The following FOXP1 variants were observed in gnomAD, a reference collection of about 807,000 sequenced individuals.
The protein encoded by FOXP1 is forkhead box P1, also known as forkhead box protein P1.
Under a neutral mutation model 98.2 loss-of-function variants are expected in FOXP1, and 15 were observed. That is an observed-to-expected ratio of 0.15 (90% CI 0.10 to 0.24). The LOEUF is 0.24. Ranked by LOEUF, FOXP1 falls within the 10% of genes least tolerant of loss-of-function variation. FOXP1 has a pLI of 1.00. For missense variants in FOXP1, 633 were observed against 848.5 expected, an observed-to-expected ratio of 0.75 and a Z score of 3.15; for synonymous variants, 371 against 314.5, an observed-to-expected ratio of 1.18 and a Z score of -1.90.
intron 4 of FOXP1, among the ~76,000 whole-genome samples, chr3:71,321,653 ACT>A (rs2075398322): frequency 1.3e-5 from 2 of 150,224 alleles, no homozygotes; most frequent in South Asian, 4.2e-4. Context: ...ATGGAGACTC[ACT>A]CTGTTGCCCA....
At chr3:71,154,141 A>G (rs1402993) in intron 6 of FOXP1, among the ~76,000 whole-genome samples, 127,818 of 151,810 alleles carry the variant, frequency 0.84, 53,996 homozygotes, top group East Asian at 0.9. Context: ...TATTTATGAA[A>G]TATAATGTGA....
chr3:71,061,446 C>CAT (rs1298986784), intron 7 of FOXP1, among the ~76,000 whole-genome samples: 3 of 152,092 alleles, frequency 2.0e-5, no homozygotes, highest in Non-Finnish European at 4.4e-5. Flanking sequence ...TCTACTCAAG[C>CAT]ATATATATAA....
chr3:71,399,810 CA>C, intron 3 of FOXP1, among the ~76,000 whole-genome samples: 1 of 152,334 alleles, frequency 6.6e-6, no homozygotes, highest in East Asian at 1.9e-4. Context: ...GCACCTCTTA[CA>C]AACCTTCATT....
At chr3:71,467,996 A>G (rs1348951699) in intron 3 of FOXP1, among the ~76,000 whole-genome samples, 1 of 152,214 alleles carries the variant, frequency 6.6e-6, no homozygotes, top group African/African-American at 2.4e-5. Flanking sequence ...ATGGACTTGG[A>G]AAAGTAGATC....
At chr3:71,141,710 G>A (rs1374576942) in intron 6 of FOXP1, among the ~76,000 whole-genome samples, 2 of 152,108 alleles carry the variant, frequency 1.3e-5, no homozygotes, top group Admixed American at 1.3e-4. Context: ...TCTAGCAGGA[G>A]ATAGAGTAAG....
chr3:71,138,163 C>T lies in FOXP1; in HGVS notation c.181-25526G>A, dbSNP rs141680246. 5.5e-3 allele frequency among the ~76,000 whole-genome samples: 839 copies of T among 152,220 alleles called. 6 individuals are homozygous for T. The highest frequency in any genetic ancestry group is 0.019 in the African/African-American group (795 of 41,532). Reference sequence around the variant, plus strand: ...ATTAAGGAACAAAGGTTCCTGTGTGCGCAGAATGGTGACGCTGTCTGGAGA... The same window carrying T: ...ATTAAGGAACAAAGGTTCCTGTGTGTGCAGAATGGTGACGCTGTCTGGAGA... On this transcript the variant is annotated intron_variant, in intron 6 of 20. Transcript: ENST00000649528.
rs368371722 is a variant in FOXP1 at position 71,053,777 on chromosome 3, G to A, written c.283-4C>T. 4 of 1,613,856 alleles carry A rather than the reference G, an allele frequency of 2.5e-6. No homozygotes were observed. The African/African-American group carries it at 4.0e-5, about 16-fold the overall frequency. On this transcript the variant is annotated splice_polypyrimidine_tract_variant and splice_region_variant and intron_variant, in intron 7 of 20. Transcript: ENST00000649528. ...TCATAGCCACTGACACGGGAACCTA[G>A]AATGTTAATGAAGGATAAATAGGAA...
chr3:71,328,975 A>AAAAAAAC (rs2076101860), intron 4 of FOXP1, among the ~76,000 whole-genome samples: 1 of 24,920 alleles, frequency 4.0e-5, no homozygotes, highest in Non-Finnish European at 2.0e-4. Context: ...CCATCTCGCT[A>AAAAAAAC]AAAAAAAAAA....
At chr3:71,241,867 G>C (rs1159693450) in intron 5 of FOXP1, among the ~76,000 whole-genome samples, 1 of 152,132 alleles carries the variant, frequency 6.6e-6, no homozygotes, top group African/African-American at 2.4e-5. Context: ...AGCTGTAATT[G>C]TCATGTACAC....
intron 12 of FOXP1, among the ~76,000 whole-genome samples, chr3:71,004,304 T>TAA (rs957659039): frequency 6.7e-6 from 1 of 149,666 alleles, no homozygotes; most frequent in Admixed American, 6.7e-5. Flanking sequence ...AGGAGATTAG[T>TAA]AAAAAAAAAA....
intron 7 of FOXP1, among the ~76,000 whole-genome samples, chr3:71,108,308 C>T (rs558169866): frequency 3.3e-5 from 5 of 152,300 alleles, no homozygotes; most frequent in African/African-American, 1.2e-4. Context: ...TACCCAGAAA[C>T]GGTGGTCAAA....
chr3:71,220,561 A>G (rs966856054), intron 5 of FOXP1, among the ~76,000 whole-genome samples: 1 of 151,880 alleles, frequency 6.6e-6, no homozygotes, highest in African/African-American at 2.4e-5. Flanking sequence ...CACCCTGGGC[A>G]ACATAGCAAA....
intron 7 of FOXP1, among the ~76,000 whole-genome samples, chr3:71,095,989 G>A (rs992040965): frequency 6.6e-6 from 1 of 152,184 alleles, no homozygotes; most frequent in Non-Finnish European, 1.5e-5. Context: ...GATTAACAGG[G>A]TGGGTGGCCT....
intron 8 of FOXP1, among the ~76,000 whole-genome samples, chr3:71,052,833 T>C (rs2050095320): frequency 6.6e-6 from 1 of 152,226 alleles, no homozygotes; most frequent in Admixed American, 6.5e-5. Flanking sequence ...AATGAACTGA[T>C]GAAAAACATA....
chr3:71,263,310 T>G (rs1166577150), intron 5 of FOXP1, among the ~76,000 whole-genome samples: 2 of 152,154 alleles, frequency 1.3e-5, no homozygotes, highest in Non-Finnish European at 2.9e-5. Context: ...AAACCGAGCC[T>G]GTGCAACACC....
At chr3:71,004,794 G>A (rs1212259030) in intron 12 of FOXP1, among the ~76,000 whole-genome samples, 1 of 152,078 alleles carries the variant, frequency 6.6e-6, no homozygotes, top group Non-Finnish European at 1.5e-5. Flanking sequence ...CCGGTCATAC[G>A]TGACAAGCTT....
chr3:71,200,869 A>T (rs1322760309), intron 5 of FOXP1, among the ~76,000 whole-genome samples: 2 of 152,220 alleles, frequency 1.3e-5, no homozygotes, highest in Non-Finnish European at 2.9e-5. Flanking sequence ...ACCAAATGGA[A>T]AAATTAAAAG....
At chr3:70,972,821 G>T (rs1022111797) in intron 17 of FOXP1, 145 bp from the exon 18 acceptor site, 5 of 767,704 alleles carry the variant, frequency 6.5e-6, no homozygotes, top group African/African-American at 1.8e-5. Flanking sequence ...CCTTCTCATG[G>T]TTAAGGATGT....
At chr3:71,163,380 T>C (rs1301357739) in intron 6 of FOXP1, among the ~76,000 whole-genome samples, 1 of 152,240 alleles carries the variant, frequency 6.6e-6, no homozygotes, top group African/African-American at 2.4e-5. Context: ...TCACCCTTTC[T>C]ACCCCTCAGC....
Sources: allele counts gnomAD v4.1 joint callset (sites outside exome capture counted in the v4.1 genomes callset), GRCh38; gene constraint gnomAD v4.1.1; transcripts MANE v1.5; gene names NCBI Gene and HGNC (gene_info 2026-07-23, HGNC 2026-07-21).